The following LYPLAL1 variants were observed in gnomAD, a reference collection of about 807,000 sequenced individuals.
LYPLAL1 encodes lysophospholipase like 1, also known as lysophospholipase-like protein 1.
A neutral mutation model predicts 19.7 loss-of-function variants in LYPLAL1; 23 were observed. The ratio of observed to expected loss-of-function variants is 1.17; its 90% confidence interval spans 0.84 to 1.65. LYPLAL1 has a LOEUF of 1.65. Ranked by LOEUF, LYPLAL1 falls within the 40% of genes most tolerant of loss-of-function variation. The pLI is 0.00. For missense variants in LYPLAL1, 355 were observed against 279.4 expected (o/e 1.27, Z -1.93); for synonymous variants, 119 against 96.3 (o/e 1.24, Z -1.38).
At chr1:219,349,677 AG>A in the LYPLAL1 span, among the ~76,000 whole-genome samples, 1 of 152,170 alleles carries the variant, frequency 6.6e-6, no homozygotes, top group Non-Finnish European at 1.5e-5. Flanking sequence ...AGTGATCAAG[AG>A]GGCAGCATGA....
the LYPLAL1 span, among the ~76,000 whole-genome samples, chr1:219,436,770 A>G: frequency 4.6e-5 from 7 of 152,280 alleles, no homozygotes; most frequent in South Asian, 1.5e-3. Flanking sequence ...CTGCATTTGT[A>G]TTAGTAAAGA....
the LYPLAL1 span, among the ~76,000 whole-genome samples, chr1:219,239,198 C>A: frequency 1.3e-5 from 2 of 152,014 alleles, no homozygotes; most frequent in South Asian, 4.1e-4. Context: ...TTATTATTTC[C>A]AGTTTACAAA....
At chr1:219,407,309 C>T in the LYPLAL1 span, among the ~76,000 whole-genome samples, 1 of 152,124 alleles carries the variant, frequency 6.6e-6, no homozygotes, top group Non-Finnish European at 1.5e-5. Context: ...ATTTGGGGTT[C>T]TGTTTGCAAG....
At chr1:219,274,765 G>A in the LYPLAL1 span, among the ~76,000 whole-genome samples, 1 of 152,098 alleles carries the variant, frequency 6.6e-6, no homozygotes, top group South Asian at 2.1e-4. Flanking sequence ...TGAGTTTTAA[G>A]GATTCAGTCT....
chr1:219,229,399 CAG>C, the LYPLAL1 span, among the ~76,000 whole-genome samples: 11 of 149,558 alleles, frequency 7.4e-5, no homozygotes, highest in South Asian at 2.2e-3. Flanking sequence ...GGAGGAAGGA[CAG>C]GGAGTGGCCT....
the LYPLAL1 span, among the ~76,000 whole-genome samples, chr1:219,340,850 A>T: frequency 6.6e-6 from 1 of 152,036 alleles, no homozygotes; most frequent in South Asian, 2.1e-4. Context: ...TTCTGCCTTC[A>T]CCTTTCTTTA....
chr1:219,198,940 T>A (rs1177563128), intron 3 of LYPLAL1, among the ~76,000 whole-genome samples: 1 of 152,146 alleles, frequency 6.6e-6, no homozygotes, highest in African/African-American at 2.4e-5. Context: ...ATTTGTCTAC[T>A]TACACATGAC....
chr1:219,404,716 G>A, the LYPLAL1 span, among the ~76,000 whole-genome samples: 37,065 of 152,120 alleles, frequency 0.24, 5,410 homozygotes, highest in East Asian at 0.53. Flanking sequence ...TAGCACACTA[G>A]GGTGGCTACA....
chr1:219,392,441 A>G, the LYPLAL1 span, among the ~76,000 whole-genome samples: 4 of 152,206 alleles, frequency 2.6e-5, no homozygotes, highest in Non-Finnish European at 4.4e-5. Context: ...AACTGACAGT[A>G]AGTGGCAATT....
chr1:219,412,840 A>G, the LYPLAL1 span, among the ~76,000 whole-genome samples: 2 of 152,254 alleles, frequency 1.3e-5, no homozygotes, highest in Non-Finnish European at 2.9e-5. Context: ...AAGAATTTAC[A>G]TTAAGTACAA....
At chr1:219,317,143 T>C in the LYPLAL1 span, among the ~76,000 whole-genome samples, 8 of 152,336 alleles carry the variant, frequency 5.3e-5, no homozygotes, top group Non-Finnish European at 1.0e-4. Context: ...CCCTTTTCAA[T>C]CAGTTTTTCT....
At chr1:219,211,377 C>G in intron 4 of LYPLAL1, 115 bp from the exon 5 acceptor site, 1 of 733,376 alleles carries the variant, frequency 1.4e-6, no homozygotes, top group East Asian at 2.5e-5. Context: ...CCTTTTTTTT[C>G]CCATTAGTTA....
chr1:219,275,989 A>G, the LYPLAL1 span, among the ~76,000 whole-genome samples: 2 of 152,194 alleles, frequency 1.3e-5, no homozygotes, highest in Non-Finnish European at 2.9e-5. Flanking sequence ...ATCATCTGTG[A>G]TCTTTTACCT....
chr1:219,327,999 TA>T, the LYPLAL1 span, among the ~76,000 whole-genome samples: 1 of 152,064 alleles, frequency 6.6e-6, no homozygotes, highest in Non-Finnish European at 1.5e-5. Flanking sequence ...ATTTTTAAAC[TA>T]AAAACTGTTC....
At chr1:219,379,950 A>T in the LYPLAL1 span, among the ~76,000 whole-genome samples, 1 of 152,234 alleles carries the variant, frequency 6.6e-6, no homozygotes, top group Non-Finnish European at 1.5e-5. Flanking sequence ...AAGAGGCAGG[A>T]AGGAGGCCCA....
the LYPLAL1 span, among the ~76,000 whole-genome samples, chr1:219,395,486 T>C: frequency 6.6e-6 from 1 of 152,172 alleles, no homozygotes; most frequent in Non-Finnish European, 1.5e-5. Context: ...TTCTCTTGTA[T>C]ATTTAAGTTC....
At chr1:219,177,481 T>C (rs1300445224) in intron 1 of LYPLAL1, among the ~76,000 whole-genome samples, 1 of 151,606 alleles carries the variant, frequency 6.6e-6, no homozygotes, top group African/African-American at 2.4e-5. Flanking sequence ...ACCCATGGTA[T>C]AAGACCTTGT....
chr1:219,373,468 C>G, the LYPLAL1 span, among the ~76,000 whole-genome samples: 1 of 152,168 alleles, frequency 6.6e-6, no homozygotes, highest in Admixed American at 6.5e-5. Context: ...GTCTCTTCTG[C>G]TGTTAATTAT....
chr1:219,384,298 C>T, the LYPLAL1 span, among the ~76,000 whole-genome samples: 1 of 152,218 alleles, frequency 6.6e-6, no homozygotes, highest in Non-Finnish European at 1.5e-5. Flanking sequence ...AGGTGATACT[C>T]TTGCCAGTTT....
Sources: gnomAD v4.1 joint callset for allele counts (sites outside exome capture counted in the v4.1 genomes callset) on GRCh38, gnomAD v4.1.1 for gene constraint, MANE v1.5 for transcripts, NCBI Gene and HGNC (gene_info 2026-07-23, HGNC 2026-07-21) for gene names.